The following THSD7B variants were observed in gnomAD, a reference collection of about 807,000 sequenced individuals.
THSD7B encodes thrombospondin type-1 domain-containing protein 7B.
THSD7B carries 138 observed loss-of-function variants against 213.6 expected under a neutral mutation model. The ratio of observed to expected loss-of-function variants is 0.65; its 90% CI spans 0.56 to 0.74. The LOEUF (loss-of-function observed/expected upper bound fraction) is 0.74. Ranked by LOEUF, THSD7B falls within the 30% of genes least tolerant of loss-of-function variation. The pLI, the probability that THSD7B is intolerant of heterozygous loss-of-function variation, is 0.00. For synonymous variants in THSD7B, 742 were observed against 687.0 expected, an observed-to-expected ratio of 1.08 and a Z score of -1.25; for missense variants, 1,931 against 1,991.5, an observed-to-expected ratio of 0.97 and a Z score of 0.58.
chr2:137,510,766 A>G (rs776361641), intron 15 of THSD7B, among the ~76,000 whole-genome samples: 4 of 151,790 alleles, frequency 2.6e-5, no homozygotes, highest in Non-Finnish European at 5.9e-5. Context: ...ATGATTTGTC[A>G]TTTTTCTTTG....
rs757500346 is a variant in THSD7B, at chr2:137,297,239, G to A, written c.2500+21213G>A. Among the ~76,000 whole-genome samples, 12 of 148,664 alleles carry A rather than the reference G, an allele frequency of 8.1e-5. No individual in the cohort carries two copies. In the East Asian group the frequency reaches 9.9e-4, roughly 12 times the overall value. ...TTCGAGGCTTCACTGAGATATGATCGCACCACTATTCTCCAGCTGGGGTGA... is the reference window on the plus strand; with the variant it reads ...TTCGAGGCTTCACTGAGATATGATCACACCACTATTCTCCAGCTGGGGTGA... On this transcript the variant is annotated intron_variant, in intron 12 of 27. Coordinates refer to ENST00000409968, the MANE Select transcript of THSD7B (RefSeq NM_001316349.2).
At chr2:137,596,903 G>A (rs986616046) in intron 17 of THSD7B, among the ~76,000 whole-genome samples, 20 of 152,012 alleles carry the variant, frequency 1.3e-4, no homozygotes, top group African/African-American at 4.8e-4. Context: ...AGATTATTAT[G>A]TATAACTGTA....
At chr2:136,897,477 A>G (rs149007659) in intron 2 of THSD7B, among the ~76,000 whole-genome samples, 1 of 152,192 alleles carries the variant, frequency 6.6e-6, no homozygotes, top group Non-Finnish European at 1.5e-5. Context: ...GGTCTCACTG[A>G]CTTCAGGAGT....
chr2:136,919,330 A>C (rs1438252370), intron 2 of THSD7B, among the ~76,000 whole-genome samples: 1 of 152,208 alleles, frequency 6.6e-6, no homozygotes, highest in Non-Finnish European at 1.5e-5. Flanking sequence ...GGCAAAACCC[A>C]AGCAGGCAAT....
chr2:136,870,176 T>C (rs188919403), intron 1 of THSD7B, among the ~76,000 whole-genome samples: 12 of 152,310 alleles, frequency 7.9e-5, no homozygotes, highest in Admixed American at 2.0e-4. Context: ...TTTGTATGTA[T>C]GCATACCTTC....
intron 15 of THSD7B, among the ~76,000 whole-genome samples, chr2:137,493,581 A>G (rs1200814042): frequency 6.6e-6 from 1 of 152,144 alleles, no homozygotes; most frequent in African/African-American, 2.4e-5. Context: ...TCTTCAAGTA[A>G]AAGAATGCCT....
chr2:137,504,764 G>A (rs1307583507), intron 15 of THSD7B, among the ~76,000 whole-genome samples: 1 of 152,096 alleles, frequency 6.6e-6, no homozygotes, highest in Non-Finnish European at 1.5e-5. Flanking sequence ...TATTGGGTCA[G>A]TTTTATAGTT....
chr2:137,663,923 C>T (rs1325222630), intron 26 of THSD7B, among the ~76,000 whole-genome samples: 3 of 151,006 alleles, frequency 2.0e-5, no homozygotes, highest in African/African-American at 4.9e-5. Flanking sequence ...GTGATCTCGG[C>T]TTACTGCGAC....
chr2:137,100,064 C>T (rs1375434141), intron 4 of THSD7B, among the ~76,000 whole-genome samples: 1 of 151,918 alleles, frequency 6.6e-6, no homozygotes, highest in Non-Finnish European at 1.5e-5. Flanking sequence ...TTCTCCCTAA[C>T]ATCTTTTTGA....
chr2:137,560,842 G>A (rs1189736139), intron 15 of THSD7B, among the ~76,000 whole-genome samples: 1 of 152,032 alleles, frequency 6.6e-6, no homozygotes, highest in Non-Finnish European at 1.5e-5. Context: ...CCCCAAACAT[G>A]TGTACTCTGG....
intron 2 of THSD7B, among the ~76,000 whole-genome samples, chr2:137,042,252 C>A (rs2104863001): frequency 6.6e-6 from 1 of 152,206 alleles, no homozygotes; most frequent in Admixed American, 6.5e-5. Context: ...TGGATTTTAA[C>A]CTGAACTTAT....
At chr2:137,483,326 G>C (rs1688349628) in intron 15 of THSD7B, among the ~76,000 whole-genome samples, 1 of 152,228 alleles carries the variant, frequency 6.6e-6, no homozygotes, top group Non-Finnish European at 1.5e-5. Flanking sequence ...ATTACTGAAA[G>C]TTACATAACT....
chr2:137,086,047 G>T (rs2195828), intron 3 of THSD7B, among the ~76,000 whole-genome samples: 1 of 152,230 alleles, frequency 6.6e-6, no homozygotes, highest in Middle Eastern at 3.4e-3. Context: ...AAAAATACAC[G>T]TTAGAAGTCT....
At chr2:136,864,564 T>G (rs985542507) in intron 1 of THSD7B, among the ~76,000 whole-genome samples, 1 of 152,102 alleles carries the variant, frequency 6.6e-6, no homozygotes, top group Non-Finnish European at 1.5e-5. Flanking sequence ...CTTTTCTTTT[T>G]TTTTTTGAGA....
chr2:136,774,782 C>T (rs1180385727), intron 1 of THSD7B, among the ~76,000 whole-genome samples: 2 of 152,000 alleles, frequency 1.3e-5, no homozygotes, highest in Non-Finnish European at 1.5e-5. Context: ...TAGATGTTTC[C>T]GTTGGATTAC....
At chr2:137,528,457 T>C (rs1305579943) in intron 15 of THSD7B, among the ~76,000 whole-genome samples, 1 of 152,156 alleles carries the variant, frequency 6.6e-6, no homozygotes, top group African/African-American at 2.4e-5. Context: ...AGAAGAATAA[T>C]AACTGCTGGA....
At chr2:137,162,283 T>A (rs530095256) in intron 6 of THSD7B, among the ~76,000 whole-genome samples, 93 of 152,314 alleles carry the variant, frequency 6.1e-4, no homozygotes, top group African/African-American at 2.2e-3. Context: ...AGGTTCAATT[T>A]AAGGTAGTAC....
In THSD7B at chr2:137,561,021, A is replaced by C. The variant is rs1320073465; in HGVS notation, c.3139-2200A>C. 2.0e-5 allele frequency among the ~76,000 whole-genome samples: 3 copies of C among 152,278 alleles called. No individual in the cohort carries two copies. The East Asian group carries it at 5.8e-4, about 29-fold the overall frequency. On this transcript the variant is annotated intron_variant, in intron 15 of 27. Coordinates refer to ENST00000409968, the MANE Select transcript of THSD7B (RefSeq NM_001316349.2). ...CATGAACAATTCTTAAATGATAGAC[A>C]CATATGGGGAAAATTTTCAAGTAAT...
intron 1 of THSD7B, among the ~76,000 whole-genome samples, chr2:136,802,810 A>T (rs1366239049): frequency 1.3e-5 from 2 of 151,168 alleles, no homozygotes; most frequent in Non-Finnish European, 3.0e-5. Context: ...ATGGTTTAGA[A>T]ATGTGAGACC....
Sources: gnomAD v4.1 joint callset for allele counts (sites outside exome capture counted in the v4.1 genomes callset) on GRCh38, gnomAD v4.1.1 for gene constraint, MANE v1.5 for transcripts, NCBI Gene and HGNC (gene_info 2026-07-23, HGNC 2026-07-21) for gene names.